The following HSPA12A variants were observed in gnomAD, a reference collection of about 807,000 sequenced individuals.
HSPA12A encodes heat shock protein family A (Hsp70) member 12A, also known as heat shock 70 kDa protein 12A.
In HSPA12A, 28 loss-of-function variants were observed where a neutral mutation model predicts 69.2. That is an observed-to-expected ratio of 0.40 (90% CI 0.30 to 0.55). The LOEUF (loss-of-function observed/expected upper bound fraction) is 0.55, where lower values mean the gene tolerates loss of function less well. HSPA12A is among the 20% of genes least tolerant of loss of function. The probability of loss-of-function intolerance (pLI) is 0.38; values close to 1 mark genes in which losing one functional copy is unlikely to be tolerated. For missense variants in HSPA12A, 686 were observed against 900.7 expected (o/e 0.76, Z 3.05); for synonymous variants, 345 against 370.5 (o/e 0.93, Z 0.79).
In HSPA12A at chr10:116,679,766, A is replaced by G; in HGVS notation, c.1028-5T>C. ...CTAAAGATCCATAGGGTCCGCCTGA[A>G]TTGAGAACAAAAAGGGAGGCCATGG... On this transcript the variant is annotated splice_polypyrimidine_tract_variant and splice_region_variant and intron_variant, in intron 9 of 11. Transcript: ENST00000369209. The G allele has an allele frequency of 6.2e-7, 1 of 1,610,926 alleles. No homozygotes were observed. The highest frequency in any genetic ancestry group is 8.5e-7 in the Non-Finnish European group (1 of 1,177,626).
intron 1 of HSPA12A, chr10:116,835,159 C>T (rs548155259): frequency 1.3e-5 from 5 of 395,668 alleles, no homozygotes; most frequent in East Asian, 4.3e-5. Context: ...TTTAGGTGGG[C>T]GCAGAGGAGC....
chr10:116,712,063 G>A (rs952455822), intron 1 of HSPA12A, among the ~76,000 whole-genome samples: 3 of 152,078 alleles, frequency 2.0e-5, no homozygotes, highest in African/African-American at 2.4e-5. Context: ...ACCTTTCTGG[G>A]GAACAGACCT....
In HSPA12A at chr10:116,674,857, G is replaced by C. The variant is rs569766700; in HGVS notation, c.1952C>G (p.Thr651Ser). The change falls in exon 12 of 12, where the codon ACC (threonine) becomes AGC (serine). Residue 651 changes from threonine to serine, a missense_variant. Coordinates refer to ENST00000369209, the MANE Select transcript of HSPA12A (RefSeq NM_025015.3). Reference sequence around the variant, plus strand: ...ATCAATGGCTGTGGCTTTGATCTCGGTGTCCCCGAACTGCATAAGGGTCTG... The same window carrying C: ...ATCAATGGCTGTGGCTTTGATCTCGCTGTCCCCGAACTGCATAAGGGTCTG... ...EIQTLMQFGD[T>S]EIKATAIDIA... The C allele has an allele frequency of 1.1e-5, 17 of 1,613,896 alleles. No homozygotes were observed. In the South Asian group the frequency reaches 1.9e-4, roughly 18 times the overall value.
rs1793025867 is a variant in HSPA12A, at chr10:116,674,679, T to A, written c.*102A>T. 8.5e-7 allele frequency: 1 copy of A among 1,178,424 alleles called. No individual in the cohort carries two copies. Among genetic ancestry groups the A allele is most frequent in the Admixed American group, 2.2e-5 (1 of 46,030 alleles). The allele number at this position is 1,178,424 out of a possible 1,614,324, so 73.0% of individuals were successfully genotyped here. ...CTCATCTTCCCTGCTGAAATTCACA[T>A]GGGCAATGGTGAGGGTCAAGGTTAG... On this transcript the variant is annotated 3_prime_UTR_variant, in exon 12 of 12. Coordinates refer to ENST00000369209, the MANE Select transcript of HSPA12A (RefSeq NM_025015.3).
chr10:116,722,917 C>T (rs376038388), intron 1 of HSPA12A, among the ~76,000 whole-genome samples: 32 of 152,176 alleles, frequency 2.1e-4, no homozygotes, highest in East Asian at 5.8e-4. Context: ...AGGAAGGTGA[C>T]GCTTGGCTGG....
chr10:116,704,881 C>G (rs2921975), intron 3 of HSPA12A, among the ~76,000 whole-genome samples: 79,404 of 151,976 alleles, frequency 0.52, 21,073 homozygotes, highest in Middle Eastern at 0.66. Context: ...AGGCCACAAG[C>G]TGGATTCACC....
intron 2 of HSPA12A, among the ~76,000 whole-genome samples, chr10:116,785,875 T>C (rs534559988): frequency 1.3e-5 from 2 of 150,290 alleles, no homozygotes; most frequent in Admixed American, 6.6e-5. Context: ...TCCTCCTATT[T>C]CCCCCCCTCC....
chr10:116,725,457 A>C (rs1396919291), intron 1 of HSPA12A, among the ~76,000 whole-genome samples: 1 of 152,162 alleles, frequency 6.6e-6, no homozygotes, highest in Non-Finnish European at 1.5e-5. Flanking sequence ...GCAGTGTGCA[A>C]GGGAGGACTG....
At chr10:116,779,221 T>C (rs151251192) in intron 2 of HSPA12A, among the ~76,000 whole-genome samples, 4 of 152,146 alleles carry the variant, frequency 2.6e-5, no homozygotes, top group Admixed American at 1.3e-4. Flanking sequence ...GTGGGTGTAA[T>C]GAGTCACTGC....
intron 2 of HSPA12A, among the ~76,000 whole-genome samples, chr10:116,761,571 A>G (rs370147985): frequency 1.9e-3 from 2 of 1,060 alleles, no homozygotes; most frequent in South Asian, 0.25. Context: ...TAAAAAAAGT[A>G]AAAAAAATAA....
intron 1 of HSPA12A, among the ~76,000 whole-genome samples, chr10:116,737,605 T>C (rs1554886542): frequency 6.6e-6 from 1 of 152,190 alleles, no homozygotes; most frequent in Admixed American, 6.5e-5. Context: ...AAAAGAGGCA[T>C]AAACTAGAAC....
intron 4 of HSPA12A, among the ~76,000 whole-genome samples, chr10:116,699,099 A>T (rs546958817): frequency 6.6e-6 from 1 of 151,990 alleles, no homozygotes; most frequent in South Asian, 2.1e-4. Context: ...CAATTTCCAC[A>T]TTCGAACACA....
Position 116,705,205 on chromosome 10 carries a change from G to C in HSPA12A, c.200C>G (p.Ser67Cys). 1.2e-6 allele frequency: 2 copies of C among 1,614,192 alleles called. No homozygotes were observed. The highest frequency in any genetic ancestry group is 4.5e-5 in the East Asian group (2 of 44,864). The change falls in exon 3 of 12, where the codon TCC becomes TGC. Residue 67 changes from serine to cysteine, a missense_variant. Ser to Cys is a moderately radical substitution (Grantham distance 112, BLOSUM62 -1). Transcript: ENST00000369209. ...GGTGAAGCTGTAGGCATAGCCACTG[G>C]ATGTGGTCCCAAAGTCGACGGCCAC... ...VVVAVDFGTTSSGYAYSFTKE... is the reference protein window; with the variant it reads ...VVVAVDFGTTCSGYAYSFTKE...
intron 2 of HSPA12A, chr10:116,834,810 T>C (rs1009532356): frequency 1.7e-5 from 7 of 420,544 alleles, no homozygotes; most frequent in African/African-American, 1.2e-4. Context: ...GCAAACATCT[T>C]ACACGTGCAG....
chr10:116,797,515 G>T (rs1637567), intron 2 of HSPA12A, among the ~76,000 whole-genome samples: 129,111 of 152,166 alleles, frequency 0.85, 55,817 homozygotes, highest in Non-Finnish European at 0.93. Context: ...TGTGTGTGTT[G>T]GCTCAGGTCA....
At chr10:116,755,931 G>A (rs77871930) in intron 2 of HSPA12A, among the ~76,000 whole-genome samples, 2,867 of 152,060 alleles carry the variant, frequency 0.019, 46 homozygotes, top group Non-Finnish European at 0.027. Context: ...GGTTGAGGCC[G>A]CAGTGAGCTG....
At chr10:116,742,344 G>T in intron 1 of HSPA12A, 86 bp downstream of exon 1, 2 of 1,306,388 alleles carry the variant, frequency 1.5e-6, no homozygotes, top group Non-Finnish European at 9.9e-7. Context: ...CACGGCGCGC[G>T]AGGGGGTGCG....
intron 2 of HSPA12A, among the ~76,000 whole-genome samples, chr10:116,826,793 C>T (rs924108399): frequency 6.6e-6 from 1 of 152,190 alleles, no homozygotes; most frequent in Non-Finnish European, 1.5e-5. Context: ...GCTCTTTGTA[C>T]ATTTCACAGC....
chr10:116,689,017 A>T (rs1387710572), intron 6 of HSPA12A, among the ~76,000 whole-genome samples: 2 of 152,172 alleles, frequency 1.3e-5, no homozygotes, highest in Non-Finnish European at 2.9e-5. Flanking sequence ...GGTTTAACCC[A>T]TCTTTTCAAC....
Sources: gnomAD v4.1 joint callset for allele counts (sites outside exome capture counted in the v4.1 genomes callset) on GRCh38, gnomAD v4.1.1 for gene constraint, MANE v1.5 for transcripts, NCBI Gene and HGNC (gene_info 2026-07-23, HGNC 2026-07-21) for gene names.